CPNE2: variants seen among roughly 807,000 people sequenced by gnomAD.
CPNE2 encodes copine 2, also known as copine-2.
A neutral mutation model predicts 69.7 loss-of-function variants in CPNE2; 42 were observed. That is an observed-to-expected ratio of 0.60 (90% CI 0.47 to 0.78). The LOEUF is 0.78. CPNE2 is among the 30% of genes least tolerant of loss of function. The pLI is 0.00. For synonymous variants in CPNE2, 294 were observed against 289.8 expected (o/e 1.01, Z -0.15); for missense variants, 587 against 732.0 (o/e 0.80, Z 2.29).
chr16:57,129,202 C>T (rs537032623), intron 12 of CPNE2: 20 of 152,442 alleles, frequency 1.3e-4, no homozygotes, highest in Non-Finnish European at 2.2e-4. Flanking sequence ...CAGATGTGGG[C>T]GTTAAAGGGC....
In CPNE2 at chr16:57,146,254, G is replaced by A. The variant is rs765038649; in HGVS notation, c.1472G>A (p.Arg491His). The A allele has an allele frequency of 1.2e-5, 18 of 1,557,918 alleles. No homozygotes were observed. Among genetic ancestry groups the A allele is most frequent in the African/African-American group, 5.4e-5 (4 of 73,404 alleles). ...EFLDGDSRML[R>H]SHTGEEAARD... The stretch of plus-strand genomic sequence containing the variant: ...CTGGATGGGGACAGCCGCATGCTGC[G>A]CTCCCACACGGGGGAGGAGGCAGCC... The change falls in exon 15 of 16, where the codon CGC becomes CAC. Residue 491 changes from arginine (R) to histidine (H), a missense_variant. Arg to His is a conservative substitution (Grantham distance 29, BLOSUM62 0). Around this residue, in one of 5 missense-constraint regions of CPNE2, gnomAD observed 185 missense variants for 252.3 expected, o/e 0.73. Transcript: ENST00000290776. This position sits in a 1 kb window ranked among gnomAD's most constrained non-coding sequence, Gnocchi z 4.4.
intron 3 of CPNE2, among the ~76,000 whole-genome samples, chr16:57,114,694 G>A (rs1192316315): frequency 2.0e-5 from 3 of 152,132 alleles, no homozygotes. Context: ...TGAGTGCAGT[G>A]GGCAGACACA....
At chr16:57,118,708 A>AGAGT (rs1347268426) in intron 5 of CPNE2, among the ~76,000 whole-genome samples, 12 of 152,206 alleles carry the variant, frequency 7.9e-5, no homozygotes, top group African/African-American at 2.2e-4. Context: ...ATAGATAGAT[A>AGAGT]GAGTGAGTCA....
At chr16:57,095,139 A>C (rs1476767106) in intron 1 of CPNE2, among the ~76,000 whole-genome samples, 4 of 152,224 alleles carry the variant, frequency 2.6e-5, no homozygotes, top group Non-Finnish European at 5.9e-5. Flanking sequence ...ATATGGCCTC[A>C]GGGAGTGGAG....
intron 1 of CPNE2, among the ~76,000 whole-genome samples, chr16:57,107,394 G>A (rs542859142): frequency 3.3e-5 from 5 of 152,298 alleles, no homozygotes; most frequent in South Asian, 2.1e-4. Context: ...AGGCATGTCC[G>A]GGGAACACTG....
At chr16:57,120,015 G>C (rs1178248339) in intron 7 of CPNE2, among the ~76,000 whole-genome samples, 1 of 152,230 alleles carries the variant, frequency 6.6e-6, no homozygotes, top group African/African-American at 2.4e-5. Context: ...TCTCATGCCT[G>C]TAATCCCAGC....
chr16:57,097,336 A>G (rs2069584047), intron 1 of CPNE2, among the ~76,000 whole-genome samples: 1 of 152,148 alleles, frequency 6.6e-6, no homozygotes, highest in Non-Finnish European at 1.5e-5. Context: ...CCCCTCCAGC[A>G]CACAGCAAAG....
intron 14 of CPNE2, among the ~76,000 whole-genome samples, chr16:57,145,321 C>T (rs2069949124): frequency 6.6e-6 from 1 of 152,212 alleles, no homozygotes; most frequent in Admixed American, 6.5e-5. Context: ...TAGTACCAAA[C>T]CAAGACTTGC....
intron 14 of CPNE2, chr16:57,142,925 C>T (rs1430375209): frequency 6.6e-6 from 1 of 152,218 alleles, no homozygotes; most frequent in Non-Finnish European, 1.5e-5. Context: ...TGAAGAACCT[C>T]GGAGTAAAGG....
At chr16:57,104,371 T>A (rs903015220) in intron 1 of CPNE2, among the ~76,000 whole-genome samples, 1 of 152,152 alleles carries the variant, frequency 6.6e-6, no homozygotes, top group African/African-American at 2.4e-5. Context: ...TCACCATCCT[T>A]CCCTGGCTTA....
chr16:57,129,833 G>C (rs1489023048), intron 12 of CPNE2, among the ~76,000 whole-genome samples: 2 of 151,922 alleles, frequency 1.3e-5, no homozygotes, highest in African/African-American at 4.8e-5. Flanking sequence ...AAAAAGATAA[G>C]TGGTTGATGG....
chr16:57,103,488 A>G (rs1038413626), intron 1 of CPNE2, among the ~76,000 whole-genome samples: 7 of 152,198 alleles, frequency 4.6e-5, no homozygotes, highest in Non-Finnish European at 8.8e-5. Context: ...TGCCCTTGCT[A>G]GAATTTACGA....
At chr16:57,116,031 G>A (rs966816352) in intron 4 of CPNE2, among the ~76,000 whole-genome samples, 1 of 152,212 alleles carries the variant, frequency 6.6e-6, no homozygotes, top group African/African-American at 2.4e-5. Context: ...TAGCGAGATC[G>A]TCCCCTGGTT....
At chr16:57,137,987 C>A (rs1347412971) in intron 14 of CPNE2, among the ~76,000 whole-genome samples, 1 of 152,230 alleles carries the variant, frequency 6.6e-6, no homozygotes, top group East Asian at 1.9e-4. Context: ...GCCCTAAGGG[C>A]AGTTATCTGA....
intron 1 of CPNE2, among the ~76,000 whole-genome samples, chr16:57,097,553 A>T (rs1279070840): frequency 6.6e-6 from 1 of 152,200 alleles, no homozygotes; most frequent in African/African-American, 2.4e-5. Flanking sequence ...AGCTCTAGTT[A>T]GCAGCAGCTC....
intron 1 of CPNE2, among the ~76,000 whole-genome samples, chr16:57,099,332 A>G (rs1375504597): frequency 6.6e-6 from 1 of 152,040 alleles, no homozygotes; most frequent in African/African-American, 2.4e-5. Flanking sequence ...TTCACCAGTT[A>G]TGTCTCCCTT....
chr16:57,121,212 GTA>G, intron 8 of CPNE2, 21 bp downstream of exon 8: 1 of 1,604,778 alleles, frequency 6.2e-7, no homozygotes, highest in Non-Finnish European at 8.5e-7. Context: ...CACGTGTACT[GTA>G]ACCCCAAGAC....
rs371038351 is a variant in CPNE2, at chr16:57,146,187, A to T, written c.1405A>T (p.Ile469Phe). 2.5e-6 allele frequency: 4 copies of T among 1,576,286 alleles called. No individual in the cohort carries two copies. The African/African-American group carries it at 5.4e-5, about 21-fold the overall frequency. Reference protein sequence around the residue: ...QASKLPMSIIIVGVGNADFAA... With the variant: ...QASKLPMSIIFVGVGNADFAA... ...TTCCAAGCTGCCCATGTCCATCATC[A>T]TCGTGGGCGTGGGCAATGCGGACTT... The change falls in exon 15 of 16, where the codon ATC (isoleucine) becomes TTC (phenylalanine). Residue 469 changes from isoleucine to phenylalanine, a missense_variant. Around this residue, in one of 5 missense-constraint regions of CPNE2, gnomAD observed 185 missense variants for 252.3 expected, o/e 0.73. Transcript: ENST00000290776. This position sits in a 1 kb window ranked among gnomAD's most constrained non-coding sequence, Gnocchi z 4.4.
chr16:57,107,833 T>G (rs1418127773), intron 1 of CPNE2, among the ~76,000 whole-genome samples: 1 of 151,314 alleles, frequency 6.6e-6, no homozygotes, highest in African/African-American at 2.4e-5. Flanking sequence ...CAGACTGGAC[T>G]GTGAGCCCTG....
Sources: allele counts gnomAD v4.1 joint callset (sites outside exome capture counted in the v4.1 genomes callset), GRCh38; gene constraint gnomAD v4.1.1; regional missense constraint gnomAD v4.1.1; non-coding constraint Gnocchi (gnomAD v3.1); transcripts MANE v1.5; gene names NCBI Gene and HGNC (gene_info 2026-07-23, HGNC 2026-07-21).